SMARCA4: variants seen among roughly 807,000 people sequenced by gnomAD.
The protein encoded by SMARCA4 is SWI/SNF related BAF chromatin remodeling complex subunit ATPase 4, also known as SWI/SNF-related matrix-associated actin-dependent regulator of chromatin subfamily A member 4.
SMARCA4 carries 31 observed loss-of-function variants against 193.9 expected under a neutral mutation model. The observed-to-expected ratio is 0.16, with a 90% CI of 0.12 to 0.22. The LOEUF (loss-of-function observed/expected upper bound fraction) is 0.22. Ranked by LOEUF, SMARCA4 falls within the 10% of genes least tolerant of loss-of-function variation. The pLI is 1.00. For missense variants in SMARCA4, 1,148 were observed against 2,296.0 expected, an observed-to-expected ratio of 0.50 and a Z score of 10.22; for synonymous variants, 942 against 933.1, an observed-to-expected ratio of 1.01 and a Z score of -0.17.
intron 20 of SMARCA4, 45 bp downstream of exon 20, chr19:11,023,676 G>A (rs752051686): frequency 1.7e-5 from 21 of 1,215,390 alleles, no homozygotes; most frequent in Non-Finnish European, 2.4e-5. Context: ...AGCCTCACGT[G>A]GGGGCTTTCT....
intron 21 of SMARCA4, 126 bp downstream of exon 21, chr19:11,024,564 C>T: frequency 1.4e-6 from 1 of 716,970 alleles, no homozygotes; most frequent in South Asian, 1.5e-5. Context: ...GGCATCTGGC[C>T]AGCCCTGGTT....
At chr19:11,002,255 A>T (rs555821048) in intron 11 of SMARCA4, among the ~76,000 whole-genome samples, 2 of 151,824 alleles carry the variant, frequency 1.3e-5, no homozygotes, top group East Asian at 3.9e-4. Flanking sequence ...CGAGGCGGGC[A>T]GATCACGAGG....
intron 29 of SMARCA4, among the ~76,000 whole-genome samples, chr19:11,038,152 C>T (rs1011883312): frequency 3.9e-5 from 6 of 152,172 alleles, no homozygotes; most frequent in African/African-American, 1.4e-4. Context: ...GTGGGCAGGG[C>T]TGTGTTCCTT....
At position 11,030,916 on chromosome 19, in the gene SMARCA4, G is replaced by A; in HGVS notation, c.3546+23G>A. Reference sequence around the variant, plus strand: ...CAGGTAAAAGCGGGCCGGGCCCCAGGTCGAGGAGAAGGAAGGGGGTGCCTG... The same window carrying A: ...CAGGTAAAAGCGGGCCGGGCCCCAGATCGAGGAGAAGGAAGGGGGTGCCTG... On this transcript the variant is annotated intron_variant, in intron 25 of 34. Coordinates refer to ENST00000344626, the MANE Select transcript of SMARCA4 (RefSeq NM_003072.5). The surrounding 1 kb of genome is among the most constrained non-coding windows in gnomAD (Gnocchi z 5.5). The A allele has an allele frequency of 6.2e-7, 1 of 1,605,406 alleles. No homozygotes were observed. Among genetic ancestry groups the A allele is most frequent in the Non-Finnish European group, 8.5e-7 (1 of 1,176,414 alleles).
chr19:11,052,352 G>C (rs1344818118), intron 30 of SMARCA4, among the ~76,000 whole-genome samples: 1 of 152,158 alleles, frequency 6.6e-6, no homozygotes, highest in East Asian at 1.9e-4. Flanking sequence ...CGTGAGCCCA[G>C]GAGTTGGAGG....
At position 10,974,926 on chromosome 19, in the gene SMARCA4, G is replaced by A. The variant is rs112009846; in HGVS notation, c.-31-9195G>A. Among the ~76,000 whole-genome samples the A allele has an allele frequency of 3.7e-3, 546 of 149,380 alleles. 7 individuals are homozygous for A. The highest frequency in any genetic ancestry group is 0.012 in the African/African-American group (506 of 40,622). On this transcript the variant is annotated intron_variant, in intron 1 of 34. Transcript: ENST00000344626. Reference sequence around the variant, plus strand: ...TCACCACGTTTGCCAGGCTGGTCTCGATCTCAGGTGATCCGCTCGCCTCAG... The same window carrying A: ...TCACCACGTTTGCCAGGCTGGTCTCAATCTCAGGTGATCCGCTCGCCTCAG...
intron 19 of SMARCA4, among the ~76,000 whole-genome samples, 186 bp downstream of exon 19, chr19:11,022,153 G>A (rs765478462): frequency 1.3e-5 from 2 of 152,228 alleles, no homozygotes; most frequent in Non-Finnish European, 2.9e-5. Context: ...CCCCAGGGGA[G>A]CAGGGCAGAG....
At chr19:11,046,844 T>A (rs2075953604) in intron 30 of SMARCA4, among the ~76,000 whole-genome samples, 1 of 150,658 alleles carries the variant, frequency 6.6e-6, no homozygotes, top group Non-Finnish European at 1.5e-5. Flanking sequence ...TTGACTCAGC[T>A]ATTCAGGAAG....
intron 22 of SMARCA4, 65 bp downstream of exon 22, chr19:11,025,573 C>A (rs1352301080): frequency 8.7e-7 from 1 of 1,149,354 alleles, no homozygotes; most frequent in Non-Finnish European, 1.3e-6. Flanking sequence ...GCAGAGCTGG[C>A]TTCTCCTCGA....
chr19:10,968,296 T>G (rs920148287), intron 1 of SMARCA4, among the ~76,000 whole-genome samples: 18 of 152,170 alleles, frequency 1.2e-4, no homozygotes, highest in African/African-American at 4.1e-4. Context: ...CCTCAAATGT[T>G]TTTTTAAGTC....
intron 29 of SMARCA4, 35 bp downstream of exon 29, chr19:11,035,167 C>T (rs2146706307): frequency 6.3e-7 from 1 of 1,583,600 alleles, no homozygotes; most frequent in Non-Finnish European, 8.6e-7. Context: ...CTGCCGCAGG[C>T]CAGCGCCAGG....
rs1158043371 is a variant in SMARCA4 at position 10,986,005 on chromosome 19, C to A, written c.356-184C>A. Among the ~76,000 whole-genome samples the A allele has an allele frequency of 6.6e-6, 1 of 152,226 alleles. No individual in the cohort carries two copies. Among genetic ancestry groups the A allele is most frequent in the Non-Finnish European group, 1.5e-5 (1 of 68,038 alleles). ...TGAGACGTGGGCCAAACCAAATCCA[C>A]CAGGTCGGCTGCTGGGCTGAGGTGC... On this transcript the variant is annotated intron_variant, in intron 3 of 34. Transcript: ENST00000344626. This position sits in a 1 kb window ranked among gnomAD's most constrained non-coding sequence, Gnocchi z 6.7.
intron 30 of SMARCA4, among the ~76,000 whole-genome samples, chr19:11,056,747 C>T (rs528684685): frequency 2.0e-5 from 3 of 152,312 alleles, no homozygotes; most frequent in Admixed American, 6.5e-5. Context: ...TCAGGGGCTT[C>T]GTGATGCACA....
chr19:11,000,816 C>T (rs1436417336), intron 11 of SMARCA4, among the ~76,000 whole-genome samples: 1 of 148,704 alleles, frequency 6.7e-6, no homozygotes, highest in African/African-American at 2.5e-5. Flanking sequence ...AGGCGGATCA[C>T]ACCACTGCAC....
At position 11,041,976 on chromosome 19, in the gene SMARCA4, C is replaced by T. The variant is rs1298613891; in HGVS notation, c.4424+416C>T. 1.3e-5 allele frequency among the ~76,000 whole-genome samples: 2 copies of T among 152,056 alleles called. No individual in the cohort carries two copies. Among genetic ancestry groups the T allele is most frequent in the Admixed American group, 6.6e-5 (1 of 15,256 alleles). On this transcript the variant is annotated intron_variant, in intron 30 of 34. Transcript: ENST00000344626. This position sits in a 1 kb window ranked among gnomAD's most constrained non-coding sequence, Gnocchi z 5.6. Reference sequence around the variant, plus strand: ...TTATATGGCAGTAATGGGTGCTGCCCGTGTGGCCAGGAGGTTGGGGACAAG... The same window carrying T: ...TTATATGGCAGTAATGGGTGCTGCCTGTGTGGCCAGGAGGTTGGGGACAAG...
intron 32 of SMARCA4, 122 bp downstream of exon 32, chr19:11,059,011 G>C: frequency 1.3e-6 from 1 of 791,054 alleles, no homozygotes; most frequent in Non-Finnish European, 2.1e-6. Context: ...GTGGTGGTTC[G>C]TGCCTGTAAT....
rs45513501 is a variant in SMARCA4 at position 10,987,131 on chromosome 19, T to C, written c.859+128T>C. 9,687 of 720,268 alleles carry C rather than the reference T, an allele frequency of 0.013. 111 individuals are homozygous for C. Among genetic ancestry groups the C allele is most frequent in the Non-Finnish European group, 0.018 (7,513 of 406,162 alleles). 44.6% of individuals were successfully genotyped at this position (720,268 alleles called of 1,614,324 possible). A position where few individuals can be genotyped will look rare whatever the true frequency, so the allele number is the denominator to read the frequency against. On this transcript the variant is annotated intron_variant, in intron 5 of 34. Transcript: ENST00000344626. This position sits in a 1 kb window ranked among gnomAD's most constrained non-coding sequence, Gnocchi z 5.3. ...CAGGCTGAACTGCAGCCTGTACTTT[T>C]CTTGTGGTGGTCCCCGGGTCTCCCC...
intron 30 of SMARCA4, chr19:11,047,777 A>G (rs1241734568): frequency 6.6e-6 from 1 of 152,162 alleles, no homozygotes; most frequent in Non-Finnish European, 1.5e-5. Flanking sequence ...GCTGACCTCC[A>G]TCTCCAGCCC....
intron 1 of SMARCA4, among the ~76,000 whole-genome samples, chr19:10,971,239 T>C (rs982440983): frequency 2.0e-5 from 3 of 151,976 alleles, no homozygotes; most frequent in African/African-American, 7.2e-5. Flanking sequence ...CCACCTTCCC[T>C]GCTCCAGCCA....
Sources: allele counts gnomAD v4.1 joint callset (sites outside exome capture counted in the v4.1 genomes callset), GRCh38; gene constraint gnomAD v4.1.1; non-coding constraint Gnocchi (gnomAD v3.1); transcripts MANE v1.5; gene names NCBI Gene and HGNC (gene_info 2026-07-23, HGNC 2026-07-21).